RNASE11: variants seen among roughly 807,000 people sequenced by gnomAD.
RNASE11 encodes ribonuclease A family member 11 (inactive).
For synonymous variants in RNASE11, 105 were observed against 86.1 expected (o/e 1.22, Z -1.21); for missense variants, 252 against 237.8 (o/e 1.06, Z -0.39).
chr14:20,586,319 T>A (rs1347573749), intron 1 of RNASE11, among the ~76,000 whole-genome samples: 2 of 152,240 alleles, frequency 1.3e-5, no homozygotes, highest in African/African-American at 4.8e-5. Flanking sequence ...CCAGTTCAGA[T>A]CTCATTCTTT....
chr14:20,583,932 C>A, exon 2 of RNASE11: 1 of 1,614,092 alleles, frequency 6.2e-7, no homozygotes, highest in South Asian at 1.1e-5. Context: ...TCAGCACTGT[C>A]AATATCTTCT....
At chr14:20,587,193 A>G (rs1249514869) in intron 1 of RNASE11, among the ~76,000 whole-genome samples, 1 of 152,222 alleles carries the variant, frequency 6.6e-6, no homozygotes, top group East Asian at 1.9e-4. Context: ...ATATTTAGAT[A>G]CAGATAGATA....
upstream of RNASE11, among the ~76,000 whole-genome samples, chr14:20,589,499 C>A (rs1225236655): frequency 6.6e-6 from 1 of 150,812 alleles, no homozygotes; most frequent in South Asian, 2.1e-4. Flanking sequence ...GTGATCCACC[C>A]GCCTCGGCCT....
upstream of RNASE11, among the ~76,000 whole-genome samples, chr14:20,588,889 C>G (rs553306571): frequency 6.6e-6 from 1 of 152,142 alleles, no homozygotes; most frequent in South Asian, 2.1e-4. Context: ...CAGGTTCAAG[C>G]GCTCCTCCTG....
upstream of RNASE11, among the ~76,000 whole-genome samples, chr14:20,588,751 GATAA>G (rs1014540267): frequency 6.6e-6 from 1 of 152,170 alleles, no homozygotes; most frequent in African/African-American, 2.4e-5. Flanking sequence ...CAATAATCAA[GATAA>G]ATAATATTTT....
exon 2 of RNASE11, chr14:20,583,852 C>T (rs1884364993): frequency 5.1e-6 from 8 of 1,576,754 alleles, no homozygotes; most frequent in Middle Eastern, 1.7e-4. Flanking sequence ...TAGTAAGACC[C>T]TAGTCCTAAA....
intron 1 of RNASE11, among the ~76,000 whole-genome samples, chr14:20,586,983 C>G (rs1884448334): frequency 6.6e-6 from 1 of 152,152 alleles, no homozygotes; most frequent in Non-Finnish European, 1.5e-5. Flanking sequence ...GAATCCATCT[C>G]TACAACAACA....
chr14:20,590,109 G>T, upstream of RNASE11: 1 of 1,230,738 alleles, frequency 8.1e-7, no homozygotes. Flanking sequence ...TTTTATTGAA[G>T]CAGAATAAAA....
chr14:20,587,730 G>A (rs761424889), upstream of RNASE11: 124 of 985,174 alleles, frequency 1.3e-4, no homozygotes, highest in Non-Finnish European at 1.4e-4. Flanking sequence ...ATGAGTAAGC[G>A]TTGCCTACTC....
chr14:20,583,695 A>C (rs7159697), exon 2 of RNASE11: 3 of 408,516 alleles, frequency 7.3e-6, no homozygotes. Context: ...GCACGCCAGT[A>C]TCAGTCATAA....
intron 1 of RNASE11, among the ~76,000 whole-genome samples, chr14:20,586,144 C>G (rs1309347160): frequency 6.6e-6 from 1 of 152,252 alleles, no homozygotes; most frequent in Non-Finnish European, 1.5e-5. Flanking sequence ...TCCACTTGCT[C>G]TCATCTCAAT....
At chr14:20,586,162 T>C (rs1003548922) in intron 1 of RNASE11, among the ~76,000 whole-genome samples, 1 of 152,252 alleles carries the variant, frequency 6.6e-6, no homozygotes, top group Non-Finnish European at 1.5e-5. Flanking sequence ...AATCTGCCTA[T>C]CGGGATTTAT....
exon 2 of RNASE11, chr14:20,584,092 A>G (rs946063900): frequency 3.7e-6 from 6 of 1,614,194 alleles, no homozygotes; most frequent in Non-Finnish European, 5.1e-6. Context: ...GACCCTGCGC[A>G]TCACTTCTGT....
rs748549905 is a variant in RNASE11 at position 20,583,986 on chromosome 14, G to A, written c.489C>T (p.Gly163=). Reference sequence around the variant, plus strand: ...GGTATTGGCACCTGGGGAATTGTTTGCCTGTAGTGAACTGGCACACTGTAT... The same window carrying A: ...GGTATTGGCACCTGGGGAATTGTTTACCTGTAGTGAACTGGCACACTGTAT... The change falls in exon 2 of 2, where the codon GGC becomes GGT. Residue 163 remains glycine (G), a synonymous_variant. Coordinates refer to ENST00000553849, the Ensembl canonical transcript of RNASE11. The A allele has an allele frequency of 5.6e-6, 9 of 1,614,056 alleles. No individual in the cohort carries two copies. The Admixed American group carries it at 6.7e-5, about 12-fold the overall frequency.
exon 2 of RNASE11, chr14:20,584,259 A>T (rs1884382358): frequency 1.2e-6 from 2 of 1,614,110 alleles, no homozygotes; most frequent in African/African-American, 2.7e-5. Flanking sequence ...GTAATGTGGA[A>T]GACATATCAT....
At chr14:20,589,932 G>T (rs1329698290), upstream of RNASE11, among the ~76,000 whole-genome samples, 1 of 152,044 alleles carries the variant, frequency 6.6e-6, no homozygotes, top group Non-Finnish European at 1.5e-5. Context: ...ATTCATCTAG[G>T]TTACTAGGTT....
At chr14:20,589,475 G>T (rs1022287035), upstream of RNASE11, among the ~76,000 whole-genome samples, 2 of 151,154 alleles carry the variant, frequency 1.3e-5, no homozygotes, top group African/African-American at 4.8e-5. Flanking sequence ...GGATGGTCTC[G>T]ATCTCCTGGC....
chr14:20,583,866 C>T (rs769130560), exon 2 of RNASE11: 1 of 1,598,016 alleles, frequency 6.3e-7, no homozygotes, highest in Non-Finnish European at 8.5e-7. Context: ...TCCTAAAGCT[C>T]TGTGGGATTT....
At chr14:20,586,534 A>T (rs1386885558) in intron 1 of RNASE11, among the ~76,000 whole-genome samples, 1 of 152,236 alleles carries the variant, frequency 6.6e-6, no homozygotes, top group Non-Finnish European at 1.5e-5. Flanking sequence ...GGGTTGATGG[A>T]TTATTGATAG....
Sources: allele counts gnomAD v4.1 joint callset (sites outside exome capture counted in the v4.1 genomes callset), GRCh38; gene constraint gnomAD v4.1.1; transcripts MANE v1.5; gene names NCBI Gene and HGNC (gene_info 2026-07-23, HGNC 2026-07-21).